The following PAQR3 variants were observed in gnomAD, a reference collection of about 807,000 sequenced individuals.
PAQR3 encodes the protein Raf kinase trapping to Golgi.
Under a neutral mutation model 41.7 loss-of-function variants are expected in PAQR3, and 39 were observed. That is an observed-to-expected ratio of 0.93 (90% CI 0.72 to 1.22). The LOEUF is 1.22. PAQR3 is among the 50% of genes most tolerant of loss of function. The pLI is 0.00. For missense variants in PAQR3, 366 were observed against 385.6 expected, an observed-to-expected ratio of 0.95 and a Z score of 0.42; for synonymous variants, 140 against 140.6, an observed-to-expected ratio of 1.00 and a Z score of 0.03.
intron 11 of PAQR3, among the ~76,000 whole-genome samples, chr4:78,893,191 G>C (rs1229527025): frequency 2.6e-5 from 4 of 152,158 alleles, no homozygotes; most frequent in Admixed American, 1.3e-4. Context: ...ATCTTCACCA[G>C]GAACAGATTC....
At chr4:78,924,329 C>A (rs1293463864) in intron 4 of PAQR3, among the ~76,000 whole-genome samples, 1 of 152,112 alleles carries the variant, frequency 6.6e-6, no homozygotes, top group African/African-American at 2.4e-5. Context: ...GAAATCTGTT[C>A]CAATATCCCA....
chr4:78,894,937 G>T (rs1375314737), intron 11 of PAQR3, among the ~76,000 whole-genome samples: 1 of 152,130 alleles, frequency 6.6e-6, no homozygotes, highest in Non-Finnish European at 1.5e-5. Flanking sequence ...TAAGGAAAGG[G>T]AGAGAGACAC....
At chr4:78,937,149 A>G (rs1737512037) in intron 1 of PAQR3, among the ~76,000 whole-genome samples, 1 of 152,216 alleles carries the variant, frequency 6.6e-6, no homozygotes, top group Non-Finnish European at 1.5e-5. Context: ...TTCCTTATCT[A>G]TGAGGAACAT....
chr4:78,922,046 A>C (rs1352964352), intron 5 of PAQR3: 17 of 1,019,398 alleles, frequency 1.7e-5, no homozygotes, highest in Non-Finnish European at 1.8e-5. Context: ...CACATAGAGA[A>C]TTTTCATGGT....
In PAQR3 at chr4:78,939,351, G is replaced by T; in HGVS notation, c.-127C>A. 1 of 798,224 alleles carries T rather than the reference G, an allele frequency of 1.3e-6. No homozygotes were observed. Among genetic ancestry groups the T allele is most frequent in the Non-Finnish European group, 1.8e-6 (1 of 571,140 alleles). 49.4% of individuals were successfully genotyped at this position (798,224 alleles called of 1,614,324 possible). On this transcript the variant is annotated 5_prime_UTR_variant, in exon 1 of 6. Coordinates refer to ENST00000512733, the MANE Select transcript of PAQR3 (RefSeq NM_001040202.2). ...ACGCTGCGCGAGGTCCTACCGCGCTGCCGCTGCTGCCCAGGGCCCGGCTCT... is the reference window on the plus strand; with the variant it reads ...ACGCTGCGCGAGGTCCTACCGCGCTTCCGCTGCTGCCCAGGGCCCGGCTCT...
chr4:78,924,242 G>A (rs1391760861), intron 4 of PAQR3, among the ~76,000 whole-genome samples: 3 of 152,088 alleles, frequency 2.0e-5, no homozygotes, highest in Admixed American at 1.3e-4. Context: ...TGGAAATGGA[G>A]TTGGCAGGTA....
At chr4:78,929,838 C>T (rs1736652588) in intron 3 of PAQR3, among the ~76,000 whole-genome samples, 1 of 152,064 alleles carries the variant, frequency 6.6e-6, no homozygotes, top group Admixed American at 6.6e-5. Context: ...ATTCTATAAA[C>T]ACACAAATAA....
At chr4:78,910,554 C>T, downstream of PAQR3, 3 of 1,336,610 alleles carry the variant, frequency 2.2e-6, no homozygotes, top group Admixed American at 2.9e-5. Context: ...ACATTTAGTG[C>T]AAGAGGATTC....
chr4:78,919,435 G>C lies in PAQR3; in HGVS notation c.*1104C>G. 2.0e-6 allele frequency: 2 copies of C among 984,504 alleles called. No individual in the cohort carries two copies. Among genetic ancestry groups the C allele is most frequent in the South Asian group, 9.4e-5 (2 of 21,280 alleles). 61.0% of individuals were successfully genotyped at this position (984,504 alleles called of 1,614,324 possible). A position where few individuals can be genotyped will look rare whatever the true frequency, so the allele number is the denominator to read the frequency against. On this transcript the variant is annotated 3_prime_UTR_variant, in exon 6 of 6. Coordinates refer to ENST00000512733, the MANE Select transcript of PAQR3 (RefSeq NM_001040202.2). ...ATTTTTTAAGTATATACAATAAAAAGAAAGTTTAATGCTTCAGGCCCAAAT... is the reference window on the plus strand; with the variant it reads ...ATTTTTTAAGTATATACAATAAAAACAAAGTTTAATGCTTCAGGCCCAAAT...
intron 11 of PAQR3, among the ~76,000 whole-genome samples, chr4:78,893,781 T>C (rs1733564053): frequency 6.6e-6 from 1 of 152,148 alleles, no homozygotes; most frequent in Non-Finnish European, 1.5e-5. Context: ...CCCAGGTTCG[T>C]CTTGAACTCC....
chr4:78,922,627 G>A (rs1735769400), intron 5 of PAQR3, among the ~76,000 whole-genome samples: 1 of 151,934 alleles, frequency 6.6e-6, no homozygotes, highest in Non-Finnish European at 1.5e-5. Context: ...GGGGGACATA[G>A]TAATAATTGC....
intron 1 of PAQR3, among the ~76,000 whole-genome samples, chr4:78,938,726 C>A (rs1270562524): frequency 1.3e-5 from 2 of 151,974 alleles, no homozygotes; most frequent in African/African-American, 2.4e-5. Context: ...TATGGCTCAG[C>A]CCCATTTCAA....
chr4:78,930,486 ACATGTAGAGC>A (rs1036984883), intron 2 of PAQR3, 161 bp from the exon 3 acceptor site: 20 of 604,076 alleles, frequency 3.3e-5, no homozygotes, highest in East Asian at 6.3e-5. Flanking sequence ...AGCTCACTCT[ACATGTAGAGC>A]CATGTAGAGC....
intron 5 of PAQR3, among the ~76,000 whole-genome samples, chr4:78,921,320 C>T (rs1184783530): frequency 6.6e-6 from 1 of 151,838 alleles, no homozygotes; most frequent in African/African-American, 2.4e-5. Flanking sequence ...ATACGGAAAA[C>T]TTCTTGATCT....
At position 78,915,906 on chromosome 4, in the gene PAQR3, GA is replaced by G. The variant is rs1465739392; in HGVS notation, c.*4632del. 1 of 151,906 alleles carries G rather than the reference GA, an allele frequency of 6.6e-6. No homozygotes were observed. The highest frequency in any genetic ancestry group is 2.4e-5 in the African/African-American group (1 of 41,422). 9.4% of individuals were successfully genotyped at this position (151,906 alleles called of 1,614,324 possible). A position where few individuals can be genotyped will look rare whatever the true frequency, so the allele number is the denominator to read the frequency against. On this transcript the variant is annotated 3_prime_UTR_variant, in exon 6 of 6. Transcript: ENST00000512733. Reference sequence around the variant, plus strand: ...AAAGTCATCTAATAGAAGCTGTATAGAAGCTACTTTTTAATTGCTGGCAAAC... The same window carrying G: ...AAAGTCATCTAATAGAAGCTGTATAGAGCTACTTTTTAATTGCTGGCAAAC...
chr4:78,888,596 A>G (rs1281388014), intron 11 of PAQR3, among the ~76,000 whole-genome samples: 2 of 152,318 alleles, frequency 1.3e-5, no homozygotes, highest in South Asian at 2.1e-4. Flanking sequence ...GGGGAAATGA[A>G]TAGTAGAGTT....
chr4:78,911,374 T>A, downstream of PAQR3: 1 of 1,613,944 alleles, frequency 6.2e-7, no homozygotes, highest in Non-Finnish European at 8.5e-7. Flanking sequence ...CTTCCTCACA[T>A]CAACAAGTAA....
Position 78,914,202 on chromosome 4 carries a change from T to C in PAQR3, c.*6337A>G, listed in dbSNP as rs1257065627. ...AGGATGAACTAATGTCTCCTTCAGA[T>C]GTAAACATGAAATACCTAGAGTTTT... On this transcript the variant is annotated 3_prime_UTR_variant, in exon 6 of 6. Transcript: ENST00000512733. 2.0e-5 allele frequency: 3 copies of C among 152,114 alleles called. No individual in the cohort carries two copies. The highest frequency in any genetic ancestry group is 7.2e-5 in the African/African-American group (3 of 41,450). 9.4% of individuals were successfully genotyped at this position (152,114 alleles called of 1,614,324 possible).
chr4:78,892,641 T>G (rs899319547), intron 11 of PAQR3, among the ~76,000 whole-genome samples: 1 of 152,216 alleles, frequency 6.6e-6, no homozygotes, highest in Non-Finnish European at 1.5e-5. Flanking sequence ...ACAAGCATAC[T>G]TTGGAGATAC....
Sources: gnomAD v4.1 joint callset for allele counts (sites outside exome capture counted in the v4.1 genomes callset) on GRCh38, gnomAD v4.1.1 for gene constraint, MANE v1.5 for transcripts, NCBI Gene and HGNC (gene_info 2026-07-23, HGNC 2026-07-21) for gene names.